CEMIP2: variants seen among roughly 807,000 people sequenced by gnomAD.
The protein encoded by CEMIP2 is cell migration inducing hyaluronidase 2.
A neutral mutation model predicts 146.9 loss-of-function variants in CEMIP2; 79 were observed. The ratio of observed to expected loss-of-function variants is 0.54; its 90% CI spans 0.45 to 0.65. CEMIP2 has a LOEUF of 0.65. Among genes scored for constraint, CEMIP2 ranks in the 30% least tolerant of loss-of-function variants. The pLI is 0.00. For missense variants in CEMIP2, 1,596 were observed against 1,696.2 expected (o/e 0.94, Z 1.04); for synonymous variants, 601 against 606.3 (o/e 0.99, Z 0.13).
At chr9:71,692,711 C>T (rs187719407) in intron 21 of CEMIP2, among the ~76,000 whole-genome samples, 62 of 152,196 alleles carry the variant, frequency 4.1e-4, no homozygotes, top group Non-Finnish European at 7.2e-4. Context: ...GAGTTCAAGA[C>T]TAGCCTGAGC....
intron 20 of CEMIP2, among the ~76,000 whole-genome samples, chr9:71,695,414 C>A: frequency 6.6e-6 from 1 of 151,558 alleles, no homozygotes. Context: ...GTAGTTCATG[C>A]CTGTAATCCC....
intron 21 of CEMIP2, 47 bp downstream of exon 21, chr9:71,694,462 T>C: frequency 6.7e-7 from 1 of 1,484,942 alleles, no homozygotes; most frequent in Non-Finnish European, 9.4e-7. Flanking sequence ...TATGGCATTT[T>C]GTTATACCAC....
chr9:71,703,148 G>A lies in CEMIP2; in HGVS notation c.3194+1447C>T, dbSNP rs1032511864. ...AGTGGGGACTGCTCCACGGAGCCAG[G>A]CAAGAGATGGTGAGGGCTTGACTTA... On this transcript the variant is annotated intron_variant, in intron 18 of 23. Transcript: ENST00000377044. 8.5e-5 allele frequency among the ~76,000 whole-genome samples: 13 copies of A among 152,192 alleles called. 1 individual carries two copies. Among genetic ancestry groups the A allele is most frequent in the African/African-American group, 3.1e-4 (13 of 41,446 alleles).
At chr9:71,733,038 G>A (rs1273737992) in intron 6 of CEMIP2, among the ~76,000 whole-genome samples, 1 of 151,906 alleles carries the variant, frequency 6.6e-6, no homozygotes, top group Non-Finnish European at 1.5e-5. Flanking sequence ...ATACGCTCTT[G>A]GTCTCCTCCC....
chr9:71,720,811 T>C (rs1823212562), intron 12 of CEMIP2, among the ~76,000 whole-genome samples: 1 of 152,202 alleles, frequency 6.6e-6, no homozygotes, highest in Non-Finnish European at 1.5e-5. Context: ...TATAATCAGT[T>C]CTTTTCAATA....
At chr9:71,694,761 T>A (rs1822346044) in intron 20 of CEMIP2, among the ~76,000 whole-genome samples, 154 bp from the exon 21 acceptor site, 2 of 152,250 alleles carry the variant, frequency 1.3e-5, no homozygotes. Context: ...CATCTTGATA[T>A]TCTTAACACA....
chr9:71,757,738 C>CTGGTT (rs886889776), intron 1 of CEMIP2, among the ~76,000 whole-genome samples: 24 of 152,214 alleles, frequency 1.6e-4, no homozygotes, highest in East Asian at 3.9e-4. Flanking sequence ...TTTAGATCTT[C>CTGGTT]TGGTTTGGTT....
At chr9:71,694,472 C>T (rs1294980151) in intron 21 of CEMIP2, 37 bp downstream of exon 21, 1 of 1,530,442 alleles carries the variant, frequency 6.5e-7, no homozygotes, top group East Asian at 2.3e-5. Flanking sequence ...TGTTATACCA[C>T]CTAGAACAGA....
intron 10 of CEMIP2, among the ~76,000 whole-genome samples, chr9:71,728,193 T>TTCTCTCTCTCTCTCTCTCTCTCTCTC (rs369654117): frequency 3.4e-5 from 1 of 29,614 alleles, no homozygotes; most frequent in African/African-American, 1.4e-4. Context: ...CAGCGAAACC[T>TTCTCTCTCTCTCTCTCTCTCTCTCTC]TCTCTCTCTC....
intron 1 of CEMIP2, among the ~76,000 whole-genome samples, chr9:71,755,204 T>A (rs939182000): frequency 3.3e-5 from 5 of 151,036 alleles, no homozygotes; most frequent in South Asian, 2.1e-4. Context: ...TTTTTTTTTT[T>A]ACCTATAAAA....
intron 20 of CEMIP2, among the ~76,000 whole-genome samples, chr9:71,696,569 G>C (rs187605290): frequency 6.6e-6 from 1 of 151,938 alleles, no homozygotes; most frequent in Admixed American, 6.6e-5. Flanking sequence ...TCAGGAGTTA[G>C]AGACTGGCCT....
At position 71,768,478 on chromosome 9, in the gene CEMIP2, A is replaced by G. The variant is rs1237176679; in HGVS notation, c.-134T>C. On this transcript the variant is annotated 5_prime_UTR_variant, in exon 1 of 24. Coordinates refer to ENST00000377044, the MANE Select transcript of CEMIP2 (RefSeq NM_013390.3). ...CTCTCCATGGCCAGGAAGCCACTCG[A>G]TTGCCGGCGCCCGCAGCTGCCGCTC... 1 of 152,262 alleles carries G rather than the reference A, an allele frequency of 6.6e-6. No individual in the cohort carries two copies. The highest frequency in any genetic ancestry group is 2.4e-5 in the African/African-American group (1 of 41,366). The allele number at this position is 152,262 out of a possible 1,614,324, so 9.4% of individuals were successfully genotyped here. A position where few individuals can be genotyped will look rare whatever the true frequency, so the allele number is the denominator to read the frequency against.
intron 21 of CEMIP2, among the ~76,000 whole-genome samples, chr9:71,693,973 C>A (rs1309634847): frequency 6.6e-6 from 1 of 152,202 alleles, no homozygotes; most frequent in African/African-American, 2.4e-5. Flanking sequence ...GACCGTTCTA[C>A]CCTGTGAGGA....
chr9:71,759,733 T>C (rs962210182), intron 1 of CEMIP2, among the ~76,000 whole-genome samples: 1 of 150,648 alleles, frequency 6.6e-6, no homozygotes, highest in Non-Finnish European at 1.5e-5. Flanking sequence ...GCTGTTCGGA[T>C]GTGGTTAGAT....
At chr9:71,715,625 G>GATATATAGATAT (rs1823030545) in intron 14 of CEMIP2, among the ~76,000 whole-genome samples, 1 of 119,068 alleles carries the variant, frequency 8.4e-6, no homozygotes, top group Non-Finnish European at 1.7e-5. Context: ...TCCCTCTTAA[G>GATATATAGATAT]ATATATATAT....
In CEMIP2 at chr9:71,709,148, T is replaced by C. The variant is rs575298166; in HGVS notation, c.2985+111A>G. On this transcript the variant is annotated intron_variant, in intron 17 of 23. Transcript: ENST00000377044. ...GGACAGGACAGGACAGGAAGATAGA[T>C]CATACTTTGGAAAATGTCAATCACA... The C allele has an allele frequency of 4.2e-5, 41 of 968,402 alleles. No homozygotes were observed. The Admixed American group carries it at 7.7e-4, about 18-fold the overall frequency. The allele number at this position is 968,402 out of a possible 1,614,324, so 60.0% of individuals were successfully genotyped here. A position where few individuals can be genotyped will look rare whatever the true frequency, so the allele number is the denominator to read the frequency against.
chr9:71,694,106 TA>T (rs1822314527), intron 21 of CEMIP2, among the ~76,000 whole-genome samples: 1 of 70,266 alleles, frequency 1.4e-5, no homozygotes, highest in Admixed American at 1.7e-4. Flanking sequence ...TATTTTTATT[TA>T]TTTATTTATT....
At chr9:71,704,405 G>T in intron 18 of CEMIP2, 190 bp downstream of exon 18, 1 of 615,492 alleles carries the variant, frequency 1.6e-6, no homozygotes, top group Non-Finnish European at 2.8e-6. Context: ...AAAAGCTTTT[G>T]AAATGACAGG....
intron 20 of CEMIP2, among the ~76,000 whole-genome samples, chr9:71,696,883 G>GAA (rs56785036): frequency 1.0e-3 from 151 of 147,422 alleles, no homozygotes; most frequent in Non-Finnish European, 1.6e-3. Context: ...TATAAATAAT[G>GAA]AAAAAAAAAA....
Sources: allele counts gnomAD v4.1 joint callset (sites outside exome capture counted in the v4.1 genomes callset), GRCh38; gene constraint gnomAD v4.1.1; transcripts MANE v1.5; gene names NCBI Gene and HGNC (gene_info 2026-07-23, HGNC 2026-07-21).